The following XPR1 variants were observed in gnomAD, a reference collection of about 807,000 sequenced individuals.
The protein encoded by XPR1 is xenotropic and polytropic retrovirus receptor 1.
In XPR1, 28 loss-of-function variants were observed where a neutral mutation model predicts 87.5. The ratio of observed to expected loss-of-function variants is 0.32; its 90% CI spans 0.24 to 0.44. The LOEUF is 0.44. Among genes scored for constraint, XPR1 ranks in the 20% least tolerant of loss-of-function variants. The pLI is 1.00. For missense variants in XPR1, 559 were observed against 862.3 expected (o/e 0.65, Z 4.41); for synonymous variants, 300 against 306.1 (o/e 0.98, Z 0.21).
At chr1:180,724,654 T>G (rs1557975204) in intron 2 of XPR1, among the ~76,000 whole-genome samples, 1 of 150,844 alleles carries the variant, frequency 6.6e-6, no homozygotes. Flanking sequence ...TATATATGGT[T>G]TCTTTTCCAC....
intron 2 of XPR1, among the ~76,000 whole-genome samples, chr1:180,761,139 G>A (rs1306052585): frequency 6.6e-6 from 1 of 152,186 alleles, no homozygotes; most frequent in Non-Finnish European, 1.5e-5. Flanking sequence ...AGATTTAAAT[G>A]TTAGACCTAA....
Position 180,825,224 on chromosome 1 carries a change from A to G in XPR1, c.1014A>G (p.Pro338=). 1 of 1,613,982 alleles carries G rather than the reference A, an allele frequency of 6.2e-7. No homozygotes were observed. The highest frequency in any genetic ancestry group is 2.2e-5 in the East Asian group (1 of 44,876). Residue 338 remains proline, a synonymous_variant, in exon 9 of 15, where the codon CCA becomes CCG. Transcript: ENST00000367590. ...GCCTTCTGGCATGCTTCTTTGCTCC[A>G]ATTAGTGTCATCCCCACATATGTGT... ...CLSLLACFFA[P]ISVIPTYVYP... is the part of the protein sequence containing the mutation.
intron 2 of XPR1, among the ~76,000 whole-genome samples, chr1:180,708,951 G>A (rs1046668691): frequency 2.0e-4 from 26 of 127,230 alleles, no homozygotes; most frequent in African/African-American, 7.5e-4. Context: ...TCGCTCTGTC[G>A]CCCAGGCTGG....
chr1:180,763,443 A>G (rs879788033), intron 2 of XPR1, among the ~76,000 whole-genome samples: 4 of 152,218 alleles, frequency 2.6e-5, no homozygotes, highest in Non-Finnish European at 5.9e-5. Flanking sequence ...TTACATATGC[A>G]AAAAGTATAC....
At chr1:180,815,985 G>A (rs1021477845) in intron 7 of XPR1, among the ~76,000 whole-genome samples, 4 of 152,138 alleles carry the variant, frequency 2.6e-5, no homozygotes, top group African/African-American at 9.7e-5. Context: ...TTTGTTTATA[G>A]TAGAAAAATC....
intron 2 of XPR1, among the ~76,000 whole-genome samples, chr1:180,753,291 A>G (rs1647601411): frequency 6.6e-6 from 1 of 152,288 alleles, no homozygotes; most frequent in East Asian, 1.9e-4. Flanking sequence ...TGGGCTGGGC[A>G]TGGTGGCACA....
intron 2 of XPR1, among the ~76,000 whole-genome samples, chr1:180,778,478 T>C (rs866478049): frequency 6.6e-6 from 1 of 152,204 alleles, no homozygotes; most frequent in Admixed American, 6.5e-5. Context: ...TTCTCAGCCT[T>C]GATACTGTTG....
chr1:180,635,736 G>A (rs115072776), intron 1 of XPR1, among the ~76,000 whole-genome samples: 82 of 152,212 alleles, frequency 5.4e-4, no homozygotes, highest in African/African-American at 1.9e-3. Flanking sequence ...TTGAGAGTCC[G>A]GTCACACTGT....
chr1:180,675,502 T>C (rs540733755), intron 1 of XPR1, among the ~76,000 whole-genome samples: 4 of 152,266 alleles, frequency 2.6e-5, no homozygotes, highest in Non-Finnish European at 5.9e-5. Context: ...TTTGGCATAG[T>C]GAATTGGGGT....
At chr1:180,746,731 G>A (rs1275130061) in intron 2 of XPR1, among the ~76,000 whole-genome samples, 1 of 151,958 alleles carries the variant, frequency 6.6e-6, no homozygotes, top group African/African-American at 2.4e-5. Flanking sequence ...AAAACTATCC[G>A]CTGTATTCCT....
chr1:180,677,008 G>A (rs1043600157), intron 1 of XPR1, among the ~76,000 whole-genome samples: 1 of 152,170 alleles, frequency 6.6e-6, no homozygotes, highest in Non-Finnish European at 1.5e-5. Flanking sequence ...GGGACCAAAT[G>A]TGTTATCTTT....
intron 1 of XPR1, among the ~76,000 whole-genome samples, chr1:180,659,525 G>A (rs1464039915): frequency 7.1e-6 from 1 of 140,800 alleles, no homozygotes; most frequent in Non-Finnish European, 1.5e-5. Context: ...CTGGAGTGCA[G>A]TGGTGCAATC....
At chr1:180,759,872 A>T (rs1320433579) in intron 2 of XPR1, among the ~76,000 whole-genome samples, 1 of 152,198 alleles carries the variant, frequency 6.6e-6, no homozygotes, top group African/African-American at 2.4e-5. Context: ...TCAATAAAAT[A>T]CTGACAAACC....
At chr1:180,728,104 G>A (rs191703625) in intron 2 of XPR1, among the ~76,000 whole-genome samples, 30 of 152,184 alleles carry the variant, frequency 2.0e-4, no homozygotes, top group African/African-American at 2.9e-4. Context: ...TGGTTCACAC[G>A]CCTCTGATAT....
chr1:180,675,507 T>C (rs1321756339), intron 1 of XPR1, among the ~76,000 whole-genome samples: 1 of 152,170 alleles, frequency 6.6e-6, no homozygotes, highest in African/African-American at 2.4e-5. Flanking sequence ...CATAGTGAAT[T>C]GGGGTCACAA....
At chr1:180,834,751 GA>G in intron 9 of XPR1, 122 bp from the exon 10 acceptor site, 1 of 1,110,822 alleles carries the variant, frequency 9.0e-7, no homozygotes, top group Non-Finnish European at 1.2e-6. Context: ...CTGTATTTAT[GA>G]TTGGTTCTTT....
intron 1 of XPR1, among the ~76,000 whole-genome samples, chr1:180,650,354 G>A (rs1655255157): frequency 6.6e-6 from 1 of 152,056 alleles, no homozygotes; most frequent in African/African-American, 2.4e-5. Context: ...TCCTGCCTCA[G>A]CTTCCTGAGT....
intron 2 of XPR1, among the ~76,000 whole-genome samples, chr1:180,787,286 G>GTTTTTTTTTT (rs113585092): frequency 6.8e-6 from 1 of 146,372 alleles, no homozygotes; most frequent in African/African-American, 2.5e-5. Flanking sequence ...GGTTTTTTTT[G>GTTTTTTTTTT]TTTTTTTTTT....
At chr1:180,838,835 A>G (rs1571884904) in intron 11 of XPR1, among the ~76,000 whole-genome samples, 1 of 152,234 alleles carries the variant, frequency 6.6e-6, no homozygotes, top group Non-Finnish European at 1.5e-5. Flanking sequence ...CTACATAAAC[A>G]TGTAAATTGA....
Sources: gnomAD v4.1 joint callset for allele counts (sites outside exome capture counted in the v4.1 genomes callset) on GRCh38, gnomAD v4.1.1 for gene constraint, MANE v1.5 for transcripts, NCBI Gene and HGNC (gene_info 2026-07-23, HGNC 2026-07-21) for gene names.